The following UBR7 variants were observed in gnomAD, a reference collection of about 807,000 sequenced individuals.
UBR7 encodes the protein ubiquitin protein ligase E3 component n-recognin 7.
Under a neutral mutation model 57.0 loss-of-function variants are expected in UBR7, and 22 were observed. That is an observed-to-expected ratio of 0.39 (90% CI 0.28 to 0.55). The LOEUF is 0.55. UBR7 is among the 20% of genes least tolerant of loss of function. UBR7 has a pLI of 0.69. For missense variants in UBR7, 395 were observed against 513.2 expected (o/e 0.77, Z 2.23); for synonymous variants, 167 against 179.8 (o/e 0.93, Z 0.57).
intron 6 of UBR7, among the ~76,000 whole-genome samples, chr14:93,217,500 T>G (rs1362392941): frequency 6.6e-6 from 1 of 152,148 alleles, no homozygotes; most frequent in Admixed American, 6.6e-5. Context: ...TTTTTATTTC[T>G]TCCTCCCATA....
rs556197109 is a variant in UBR7 at position 93,214,811 on chromosome 14, C to A, written c.442-118C>A. 482 of 878,434 alleles carry A rather than the reference C, an allele frequency of 5.5e-4. 1 individual carries two copies. Among genetic ancestry groups the A allele is most frequent in the Non-Finnish European group, 7.7e-4 (411 of 534,808 alleles). 54.4% of individuals were successfully genotyped at this position (878,434 alleles called of 1,614,324 possible). A position where few individuals can be genotyped will look rare whatever the true frequency, so the allele number is the denominator to read the frequency against. On this transcript the variant is annotated intron_variant, in intron 4 of 10. Transcript: ENST00000013070. ...TGTAAAGTGCTTATCTCAATGTAAG[C>A]CTTTGGAACACCAGTTCATGTAGAA...
intron 10 of UBR7, chr14:93,223,643 C>T: frequency 7.2e-7 from 1 of 1,383,594 alleles, no homozygotes; most frequent in Non-Finnish European, 1.0e-6. Flanking sequence ...GTGGCTTGGG[C>T]TGACGGGCAG....
intron 10 of UBR7, chr14:93,223,546 TG>T (rs1157388780): frequency 1.0e-5 from 7 of 672,568 alleles, no homozygotes; most frequent in Non-Finnish European, 1.8e-5. Context: ...TTTTTTGGGG[TG>T]GGGGGCGTTC....
Position 93,215,254 on chromosome 14 carries a change from T to C in UBR7, c.574T>C (p.Leu192=), listed in dbSNP as rs1016007578. Residue 192 remains leucine (L), a synonymous_variant, in exon 6 of 11, where the codon TTG becomes CTG. Coordinates refer to ENST00000013070, the MANE Select transcript of UBR7 (RefSeq NM_175748.4). ...GGCCTGCATGAAACGTTGTTCTTTT[T>C]TGTGGGCTTATGCTGCACAATTGGC... The part of the protein sequence containing the change: ...CQACMKRCSF[L]WAYAAQLAVT... 5 of 1,585,166 alleles carry C rather than the reference T, an allele frequency of 3.2e-6. No individual in the cohort carries two copies. The highest frequency in any genetic ancestry group is 4.3e-6 in the Non-Finnish European group (5 of 1,164,668).
chr14:93,228,776 G>A lies in UBR7; in HGVS notation c.*1741G>A, dbSNP rs1224948974. The A allele has an allele frequency of 4.4e-6, 2 of 454,104 alleles. No individual in the cohort carries two copies. The highest frequency in any genetic ancestry group is 3.1e-5 in the South Asian group (2 of 64,480). The allele number at this position is 454,104 out of a possible 1,614,324, so 28.1% of individuals were successfully genotyped here. A position where few individuals can be genotyped will look rare whatever the true frequency, so the allele number is the denominator to read the frequency against. On this transcript the variant is annotated 3_prime_UTR_variant, in exon 11 of 11. Coordinates refer to ENST00000013070, the MANE Select transcript of UBR7 (RefSeq NM_175748.4). The stretch of plus-strand genomic sequence containing the variant: ...CACTATTAGTATACCATCATGTCCG[G>A]AAAACTTTTAATCTTCTCAAATATC...
At chr14:93,220,463 AATATAAAGGGGGCAGTAAACACCT>A in intron 9 of UBR7, 52 bp downstream of exon 9, 1 of 1,605,716 alleles carries the variant, frequency 6.2e-7, no homozygotes, top group Non-Finnish European at 8.5e-7. Flanking sequence ...TATGTAAAAA[AATATAAAGGGGGCAGTAAACACCT>A]ATATTTTTAA....
chr14:93,227,544 T>C lies in UBR7; in HGVS notation c.*509T>C. ...GTCTGCTCCTTCTTTCACGTCCCTG[T>C]TTTCTGAGGTTTGGTCATAGCTTAG... is the stretch of plus-strand genomic sequence containing the variant. On this transcript the variant is annotated 3_prime_UTR_variant, in exon 11 of 11. Coordinates refer to ENST00000013070, the MANE Select transcript of UBR7 (RefSeq NM_175748.4). 1 of 699,436 alleles carries C rather than the reference T, an allele frequency of 1.4e-6. No individual in the cohort carries two copies. The highest frequency in any genetic ancestry group is 2.6e-6 in the Non-Finnish European group (1 of 384,460). The allele number at this position is 699,436 out of a possible 1,614,324, so 43.3% of individuals were successfully genotyped here. A position where few individuals can be genotyped will look rare whatever the true frequency, so the allele number is the denominator to read the frequency against.
intron 9 of UBR7, among the ~76,000 whole-genome samples, chr14:93,221,554 C>T (rs1329458472): frequency 6.6e-6 from 1 of 151,982 alleles, no homozygotes; most frequent in South Asian, 2.1e-4. Context: ...TGCACCTGGC[C>T]GTGTCTTTTA....
At position 93,229,037 on chromosome 14, in the gene UBR7, A is replaced by G. The variant is rs1441201795; in HGVS notation, c.*2002A>G. The G allele has an allele frequency of 4.7e-6, 2 of 427,100 alleles. No homozygotes were observed. The highest frequency in any genetic ancestry group is 9.4e-6 in the Non-Finnish European group (2 of 213,600). 26.5% of individuals were successfully genotyped at this position (427,100 alleles called of 1,614,324 possible). On this transcript the variant is annotated 3_prime_UTR_variant, in exon 11 of 11. Transcript: ENST00000013070. ...TATTGGACTGTCTCTTCTTGTAGAG[A>G]CTGATTTTGGCCAACATATTAATGC...
rs1210019952 is a variant in UBR7 at position 93,222,307 on chromosome 14, ATTTAG to A, written c.1124-5_1124-1del. 4 of 1,600,268 alleles carry A rather than the reference ATTTAG, an allele frequency of 2.5e-6. No homozygotes were observed. Among genetic ancestry groups the A allele is most frequent in the Non-Finnish European group, 3.4e-6 (4 of 1,167,376 alleles). ...AAACTTAAATACTTTTGTGGTTTTG[ATTTAG>A]AATACAATGATTTGAAGACTGAACT... is the stretch of plus-strand genomic sequence containing the variant. On this transcript the variant is annotated splice_acceptor_variant and splice_polypyrimidine_tract_variant and intron_variant, in intron 9 of 10. Coordinates refer to ENST00000013070, the MANE Select transcript of UBR7 (RefSeq NM_175748.4). LOFTEE classifies it high-confidence loss of function.
rs115761954 is a variant in UBR7, at chr14:93,213,279, C to T, written c.441+1152C>T. On this transcript the variant is annotated intron_variant, in intron 4 of 10. Transcript: ENST00000013070. ...ATATTACCAGTTCTTGAAAATTTTG[C>T]CATTCTGATAAATGAAGAATAGTAT... is the stretch of plus-strand genomic sequence containing the variant. Among the ~76,000 whole-genome samples, 407 of 152,060 alleles carry T rather than the reference C, an allele frequency of 2.7e-3. 1 individual carries two copies. Among genetic ancestry groups the T allele is most frequent in the African/African-American group, 6.4e-3 (266 of 41,460 alleles).
intron 6 of UBR7, 33 bp downstream of exon 6, chr14:93,215,314 A>G: frequency 6.6e-7 from 1 of 1,525,226 alleles, no homozygotes; most frequent in Middle Eastern, 1.7e-4. Flanking sequence ...TGTGCCACAA[A>G]CTTGTGCTTG....
Position 93,214,099 on chromosome 14 carries a change from G to A in UBR7, c.442-830G>A, listed in dbSNP as rs575619589. Among the ~76,000 whole-genome samples the A allele has an allele frequency of 2.0e-5, 3 of 152,196 alleles. No homozygotes were observed. In the East Asian group the frequency reaches 5.8e-4, roughly 29 times the overall value. ...TCGCCACCATGCCCGGCTAATTTGT[G>A]TATTTTTAGTAGAGACAGGATTTCA... On this transcript the variant is annotated intron_variant, in intron 4 of 10. Coordinates refer to ENST00000013070, the MANE Select transcript of UBR7 (RefSeq NM_175748.4).
At chr14:93,219,159 A>G (rs897000851) in intron 7 of UBR7, 53 bp from the exon 8 acceptor site, 10 of 1,588,954 alleles carry the variant, frequency 6.3e-6, no homozygotes, top group African/African-American at 5.4e-5. Flanking sequence ...AATCTAAACT[A>G]TGAAAACTAT....
chr14:93,218,231 G>A (rs532662933), intron 6 of UBR7, among the ~76,000 whole-genome samples: 46 of 151,904 alleles, frequency 3.0e-4, no homozygotes, highest in Non-Finnish European at 4.7e-4. Flanking sequence ...CCAACATGGC[G>A]AAACCCCGTC....
chr14:93,221,803 G>A (rs1170129476), intron 9 of UBR7, among the ~76,000 whole-genome samples: 1 of 151,626 alleles, frequency 6.6e-6, no homozygotes, highest in East Asian at 2.0e-4. Context: ...CTGACGTGGT[G>A]AAACCCTGTC....
At chr14:93,215,475 G>A (rs1171213423) in intron 6 of UBR7, among the ~76,000 whole-genome samples, 194 bp downstream of exon 6, 1 of 152,122 alleles carries the variant, frequency 6.6e-6, no homozygotes, top group Non-Finnish European at 1.5e-5. Context: ...GATCACCTGA[G>A]GTCAGGAGTT....
chr14:93,220,140 T>TA, intron 8 of UBR7, 109 bp from the exon 9 acceptor site: 5 of 1,151,912 alleles, frequency 4.3e-6, no homozygotes, highest in South Asian at 1.4e-5. Context: ...GGTCTTAATA[T>TA]AAAAAAATTA....
At chr14:93,209,368 G>C (rs1894432924) in intron 1 of UBR7, among the ~76,000 whole-genome samples, 1 of 152,150 alleles carries the variant, frequency 6.6e-6, no homozygotes, top group Admixed American at 6.5e-5. Context: ...ATATGCTCCT[G>C]TGTTTTCACA....
Sources: allele counts gnomAD v4.1 joint callset (sites outside exome capture counted in the v4.1 genomes callset), GRCh38; gene constraint gnomAD v4.1.1; transcripts MANE v1.5; gene names NCBI Gene and HGNC (gene_info 2026-07-23, HGNC 2026-07-21).